The following DCHS2 variants were observed in gnomAD, a reference collection of about 807,000 sequenced individuals.
DCHS2 encodes the protein dachsous cadherin-related 2, also known as protocadherin-23.
Under a neutral mutation model 182.4 loss-of-function variants are expected in DCHS2, and 142 were observed. That is an observed-to-expected ratio of 0.78 (90% CI 0.68 to 0.89). The LOEUF is 0.89. Among genes scored for constraint, DCHS2 ranks in the 40% least tolerant of loss-of-function variants. The pLI, the probability that DCHS2 is intolerant of heterozygous loss-of-function variation, is 0.00. For synonymous variants in DCHS2, 1,740 were observed against 1,663.3 expected, an observed-to-expected ratio of 1.05 and a Z score of -1.12; for missense variants, 4,319 against 4,198.6, an observed-to-expected ratio of 1.03 and a Z score of -0.79.
Position 154,486,543 on chromosome 4 carries a change from G to T in DCHS2, c.2052+2761C>A. On this transcript the variant is annotated intron_variant, in intron 1 of 19. Transcript: ENST00000357232. ...AAGCTGTAAAAGAGGAAAACTTGTAGATGGCAACAGAAAGAAGGTACAGTT... is the reference window on the plus strand; with the variant it reads ...AAGCTGTAAAAGAGGAAAACTTGTATATGGCAACAGAAAGAAGGTACAGTT... The T allele has an allele frequency of 3.1e-6, 4 of 1,303,056 alleles. No homozygotes were observed. The South Asian group carries it at 4.9e-5, about 16-fold the overall frequency. 80.7% of individuals were successfully genotyped at this position (1,303,056 alleles called of 1,614,324 possible).
chr4:154,436,548 T>C (rs1305036132), intron 1 of DCHS2, among the ~76,000 whole-genome samples: 1 of 152,250 alleles, frequency 6.6e-6, no homozygotes, highest in Non-Finnish European at 1.5e-5. Context: ...CATTACTGTA[T>C]GGTTTATTTA....
At position 154,378,284 on chromosome 4, in the gene DCHS2, C is replaced by G. The variant is rs146698940; in HGVS notation, c.2053-840G>C. On this transcript the variant is annotated intron_variant, in intron 1 of 19. Coordinates refer to ENST00000357232, the MANE Select transcript of DCHS2 (RefSeq NM_001358235.2). ...TGGGAGTATATAGTGAGAAATACAA[C>G]AGGCTCTATAGAACTCAAAAAATTC... 2.9e-3 allele frequency among the ~76,000 whole-genome samples: 443 copies of G among 152,166 alleles called. 2 individuals are homozygous for G. The highest frequency in any genetic ancestry group is 0.01 in the African/African-American group (424 of 41,530).
chr4:154,292,444 G>T (rs750752515), intron 13 of DCHS2, among the ~76,000 whole-genome samples: 62 of 152,102 alleles, frequency 4.1e-4, no homozygotes, highest in Non-Finnish European at 5.9e-4. Context: ...CTCCCAAGTT[G>T]TTCCATTTAG....
intron 13 of DCHS2, among the ~76,000 whole-genome samples, chr4:154,282,998 A>C (rs1180186603): frequency 6.6e-6 from 1 of 152,170 alleles, no homozygotes; most frequent in African/African-American, 2.4e-5. Context: ...AGAAAGTAGA[A>C]TGGCATTTGC....
At chr4:154,253,046 A>G (rs1732459794) in intron 16 of DCHS2, among the ~76,000 whole-genome samples, 1 of 145,150 alleles carries the variant, frequency 6.9e-6, no homozygotes, top group Non-Finnish European at 1.5e-5. Flanking sequence ...TGCCTTAAAT[A>G]TCAAGAAAAG....
chr4:154,242,897 G>A (rs1731895715), intron 16 of DCHS2, 125 bp from the exon 17 acceptor site: 2 of 1,329,676 alleles, frequency 1.5e-6, no homozygotes, highest in East Asian at 2.8e-5. Flanking sequence ...TTTTCTCTTG[G>A]ATTTTCTAAA....
intron 16 of DCHS2, among the ~76,000 whole-genome samples, chr4:154,252,935 G>C (rs1208626246): frequency 6.6e-6 from 1 of 152,214 alleles, no homozygotes; most frequent in African/African-American, 2.4e-5. Context: ...AGACAAAATA[G>C]CAATACTTCA....
chr4:154,257,021 G>A (rs549794668), intron 15 of DCHS2, among the ~76,000 whole-genome samples: 36 of 152,212 alleles, frequency 2.4e-4, no homozygotes, highest in African/African-American at 7.9e-4. Flanking sequence ...AGGCCAAGGC[G>A]GGTGGATTAC....
At chr4:154,468,778 T>C (rs773971548) in intron 1 of DCHS2, among the ~76,000 whole-genome samples, 9 of 152,180 alleles carry the variant, frequency 5.9e-5, no homozygotes, top group Non-Finnish European at 1.2e-4. Flanking sequence ...GGCACAGTAG[T>C]AACATATTAC....
At chr4:154,286,392 G>T (rs183301363) in intron 13 of DCHS2, among the ~76,000 whole-genome samples, 115 of 152,196 alleles carry the variant, frequency 7.6e-4, no homozygotes, top group African/African-American at 2.7e-3. Context: ...GAGAAACTGA[G>T]ATAGGTGACC....
At chr4:154,264,690 T>G (rs1191814263) in intron 14 of DCHS2, among the ~76,000 whole-genome samples, 1 of 152,106 alleles carries the variant, frequency 6.6e-6, no homozygotes, top group Non-Finnish European at 1.5e-5. Context: ...GCAAAAGTAT[T>G]TTAAAAGCAT....
chr4:154,468,500 T>C (rs941905872), intron 1 of DCHS2, among the ~76,000 whole-genome samples: 4 of 152,152 alleles, frequency 2.6e-5, no homozygotes, highest in African/African-American at 9.6e-5. Context: ...ATGAATATGT[T>C]CATTAAAATC....
At chr4:154,297,737 T>A in intron 13 of DCHS2, 114 bp downstream of exon 13, 1 of 1,474,330 alleles carries the variant, frequency 6.8e-7, no homozygotes, top group Non-Finnish European at 9.1e-7. Flanking sequence ...GAACAGGCAT[T>A]GAACTAAAAA....
At position 154,235,277 on chromosome 4, in the gene DCHS2, G is replaced by T; in HGVS notation, c.9375C>A (p.Asp3125Glu). The T allele has an allele frequency of 6.2e-7, 1 of 1,614,080 alleles. No homozygotes were observed. Among genetic ancestry groups the T allele is most frequent in the East Asian group, 2.2e-5 (1 of 44,856 alleles). Residue 3125 changes from aspartate to glutamate, a missense_variant, in exon 20 of 20, where the codon GAC becomes GAA. Physicochemically the swap from Asp to Glu is conservative, Grantham distance 45. Coordinates refer to ENST00000357232, the MANE Select transcript of DCHS2 (RefSeq NM_001358235.2). ...CCGAGTCTGGCACCCTGGACTCGTG[G>T]TCACTCAGAGCTGAGTCTGAGCACT... The part of the protein sequence containing the change: ...YRKCSDSALS[D>E]HESRVPDSGI...
intron 7 of DCHS2, among the ~76,000 whole-genome samples, chr4:154,327,444 C>A (rs1736325710): frequency 6.6e-6 from 1 of 152,132 alleles, no homozygotes; most frequent in Non-Finnish European, 1.5e-5. Flanking sequence ...TCCATGCAGA[C>A]AATCAAACTA....
chr4:154,349,318 C>A (rs182702808), intron 3 of DCHS2, among the ~76,000 whole-genome samples: 1 of 152,228 alleles, frequency 6.6e-6, no homozygotes, highest in Non-Finnish European at 1.5e-5. Context: ...GGGGGTTTGG[C>A]TATTTATTAT....
chr4:154,273,445 G>A (rs1733689625), intron 13 of DCHS2, among the ~76,000 whole-genome samples: 1 of 151,938 alleles, frequency 6.6e-6, no homozygotes, highest in Admixed American at 6.6e-5. Context: ...ATGAACTTTG[G>A]GGACTTGGGG....
rs989487976 is a variant in DCHS2 at position 154,320,363 on chromosome 4, A to T, written c.5020+16T>A. Reference sequence around the variant, plus strand: ...AAAATAAAATATTTTTAAAAGTGACATATAGGGCACTGTACCTGATGACTC... The same window carrying T: ...AAAATAAAATATTTTTAAAAGTGACTTATAGGGCACTGTACCTGATGACTC... On this transcript the variant is annotated intron_variant, in intron 9 of 19. Transcript: ENST00000357232. The T allele has an allele frequency of 1.9e-6, 3 of 1,601,674 alleles. No homozygotes were observed. The African/African-American group carries it at 4.0e-5, about 22-fold the overall frequency.
chr4:154,398,377 G>A (rs1272953058), intron 1 of DCHS2, among the ~76,000 whole-genome samples: 1 of 152,136 alleles, frequency 6.6e-6, no homozygotes, highest in African/African-American at 2.4e-5. Flanking sequence ...AGTGTCCAAT[G>A]CCTGACATAT....
Sources: allele counts gnomAD v4.1 joint callset (sites outside exome capture counted in the v4.1 genomes callset), GRCh38; gene constraint gnomAD v4.1.1; transcripts MANE v1.5; gene names NCBI Gene and HGNC (gene_info 2026-07-23, HGNC 2026-07-21).